Variants in MSR1 observed in about 807,000 individuals in gnomAD.
MSR1 encodes macrophage scavenger receptor types I and II.
In MSR1, 53 loss-of-function variants were observed where a neutral mutation model predicts 47.2. The ratio of observed to expected loss-of-function variants is 1.12; its 90% CI spans 0.90 to 1.41. MSR1 has a LOEUF of 1.41. MSR1 is among the 40% of genes most tolerant of loss of function. The pLI is 0.00. For synonymous variants in MSR1, 239 were observed against 185.6 expected, an observed-to-expected ratio of 1.29 and a Z score of -2.34; for missense variants, 786 against 546.9, an observed-to-expected ratio of 1.44 and a Z score of -4.36.
intron 8 of MSR1, among the ~76,000 whole-genome samples, chr8:16,135,815 A>G (rs916757096): frequency 1.3e-5 from 2 of 152,082 alleles, no homozygotes; most frequent in South Asian, 4.1e-4. Flanking sequence ...GTTGATTCCA[A>G]CCCTCATGAA....
intron 8 of MSR1, among the ~76,000 whole-genome samples, chr8:16,129,037 A>G (rs1800194039): frequency 6.6e-6 from 1 of 152,154 alleles, no homozygotes; most frequent in Non-Finnish European, 1.5e-5. Flanking sequence ...GATGTTTTAT[A>G]ATAAAACATA....
chr8:16,123,336 T>C (rs1337481407), intron 8 of MSR1, among the ~76,000 whole-genome samples: 4 of 152,206 alleles, frequency 2.6e-5, no homozygotes, highest in Non-Finnish European at 5.9e-5. Flanking sequence ...TGGCTTCACC[T>C]ACTATTCAAC....
At chr8:16,151,197 C>A (rs535544908) in intron 6 of MSR1, among the ~76,000 whole-genome samples, 1 of 152,208 alleles carries the variant, frequency 6.6e-6, no homozygotes, top group Non-Finnish European at 1.5e-5. Context: ...CTGCTTTAGA[C>A]AGGAGCATCT....
chr8:16,148,638 T>A (rs1800763622), intron 7 of MSR1, among the ~76,000 whole-genome samples: 1 of 151,962 alleles, frequency 6.6e-6, no homozygotes, highest in Admixed American at 6.6e-5. Flanking sequence ...AGACACGGTT[T>A]CACCAGGTTG....
chr8:16,135,693 A>G (rs1201591567), intron 8 of MSR1, among the ~76,000 whole-genome samples: 1 of 152,214 alleles, frequency 6.6e-6, no homozygotes, highest in Non-Finnish European at 1.5e-5. Context: ...GTGTCTGAGC[A>G]AAGTAAATTG....
At chr8:16,186,520 A>G (rs1176362100) in intron 1 of MSR1, among the ~76,000 whole-genome samples, 4 of 151,760 alleles carry the variant, frequency 2.6e-5, no homozygotes, top group Non-Finnish European at 4.4e-5. Context: ...ACTACATCCA[A>G]TCTCTCATCC....
At chr8:16,186,782 C>T (rs1802012385) in intron 1 of MSR1, among the ~76,000 whole-genome samples, 1 of 125,536 alleles carries the variant, frequency 8.0e-6, no homozygotes, top group Non-Finnish European at 1.6e-5. Context: ...CGGGTGCATG[C>T]CACCATGCCC....
At chr8:16,177,235 G>C (rs531543872) in intron 2 of MSR1, among the ~76,000 whole-genome samples, 24 of 152,134 alleles carry the variant, frequency 1.6e-4, no homozygotes, top group Non-Finnish European at 3.2e-4. Flanking sequence ...AGGGTCTTTG[G>C]AGATGTAATC....
At chr8:16,149,986 G>C (rs1297656488) in intron 7 of MSR1, among the ~76,000 whole-genome samples, 3 of 151,454 alleles carry the variant, frequency 2.0e-5, no homozygotes, top group Non-Finnish European at 4.4e-5. Flanking sequence ...ACAGAAGTCA[G>C]TTTCAAAAAT....
intron 8 of MSR1, among the ~76,000 whole-genome samples, chr8:16,139,112 T>G (rs962828608): frequency 3.3e-5 from 5 of 152,334 alleles, no homozygotes; most frequent in African/African-American, 1.2e-4. Flanking sequence ...CTCATTGATT[T>G]GCAATCTGGT....
chr8:16,143,604 A>G lies in MSR1; in HGVS notation c.987T>C (p.Ser329=). ...LPGYAGRPGN[S]GPKGQKGEKG... ...TTTCCCCTTTCTGGCCTTTTGGTCC[A>G]GAATTTCCTTGAGAAAAGAAGAAAA... is the stretch of plus-strand genomic sequence containing the variant. The change falls in exon 8 of 10, where the codon TCT becomes TCC. Residue 329 remains serine, a synonymous_variant. Transcript: ENST00000262101. 1 of 1,612,280 alleles carries G rather than the reference A, an allele frequency of 6.2e-7. No individual in the cohort carries two copies. Among genetic ancestry groups the G allele is most frequent in the Non-Finnish European group, 8.5e-7 (1 of 1,178,834 alleles).
At chr8:16,181,808 A>G (rs1012769754) in intron 1 of MSR1, among the ~76,000 whole-genome samples, 1 of 152,186 alleles carries the variant, frequency 6.6e-6, no homozygotes, top group Non-Finnish European at 1.5e-5. Context: ...TTTAAAAAAA[A>G]AAAAGAAAAA....
chr8:16,140,841 G>T (rs966521371), intron 8 of MSR1: 9 of 1,567,974 alleles, frequency 5.7e-6, no homozygotes, highest in Non-Finnish European at 7.8e-6. Flanking sequence ...CAGGGACCAG[G>T]AGAGAAGGCC....
intron 5 of MSR1, 89 bp from the exon 6 acceptor site, chr8:16,155,233 CA>C: frequency 4.5e-6 from 4 of 896,792 alleles, no homozygotes; most frequent in Non-Finnish European, 7.2e-6. Flanking sequence ...TAAGGAAATC[CA>C]AAGTCTTCTA....
In MSR1 at chr8:16,117,652, T is replaced by C. The variant is rs550997825; in HGVS notation, c.1222+2766A>G. ...AAAGCACTGAAAAGCCTGCTTCCAT[T>C]TCCAACATGCTATCTTAGTGAAGCA... On this transcript the variant is annotated intron_variant, in intron 9 of 9. Coordinates refer to ENST00000262101, the MANE Select transcript of MSR1 (RefSeq NM_138715.3). Among the ~76,000 whole-genome samples, 4 of 152,176 alleles carry C rather than the reference T, an allele frequency of 2.6e-5. No homozygotes were observed. In the South Asian group the frequency reaches 6.2e-4, roughly 24 times the overall value.
chr8:16,158,729 G>C (rs1163599572), intron 5 of MSR1, among the ~76,000 whole-genome samples: 1 of 151,736 alleles, frequency 6.6e-6, no homozygotes, highest in African/African-American at 2.4e-5. Context: ...GAGGGTCAGA[G>C]AGTGAGTTGC....
chr8:16,114,144 C>T (rs191294881), intron 9 of MSR1, among the ~76,000 whole-genome samples: 2 of 151,872 alleles, frequency 1.3e-5, no homozygotes, highest in African/African-American at 4.8e-5. Flanking sequence ...ATTTATTTAT[C>T]TTTGAGATTA....
intron 8 of MSR1, chr8:16,140,567 G>C: frequency 9.5e-7 from 1 of 1,055,266 alleles, no homozygotes; most frequent in Non-Finnish European, 1.1e-6. Context: ...GTGTTATATT[G>C]TATGGTAGGA....
At chr8:16,124,094 T>C (rs1055764507) in intron 8 of MSR1, among the ~76,000 whole-genome samples, 8 of 152,186 alleles carry the variant, frequency 5.3e-5, no homozygotes, top group Non-Finnish European at 7.4e-5. Context: ...TACAGCCTAT[T>C]TCTTAGTGAT....
Sources: allele counts gnomAD v4.1 joint callset (sites outside exome capture counted in the v4.1 genomes callset), GRCh38; gene constraint gnomAD v4.1.1; transcripts MANE v1.5; gene names NCBI Gene and HGNC (gene_info 2026-07-23, HGNC 2026-07-21).